Variants in SUN2 observed in about 807,000 individuals in gnomAD.
SUN2 encodes the protein SUN domain-containing protein 2.
In SUN2, 60 loss-of-function variants were observed where a neutral mutation model predicts 100.0. The observed-to-expected ratio is 0.60, with a 90% CI of 0.49 to 0.74. The LOEUF is 0.74. Among genes scored for constraint, SUN2 ranks in the 30% least tolerant of loss-of-function variants. The pLI is 0.00. For missense variants in SUN2, 834 were observed against 954.6 expected, an observed-to-expected ratio of 0.87 and a Z score of 1.66; for synonymous variants, 367 against 403.3, an observed-to-expected ratio of 0.91 and a Z score of 1.08.
In SUN2 at chr22:38,735,396, A is replaced by T. The variant is rs1287289565; in HGVS notation, c.*871T>A. On this transcript the variant is annotated 3_prime_UTR_variant, in exon 18 of 18. Transcript: ENST00000689035. ...AGAGCCCAGGAGTTCCATGCTCCCC[A>T]CTCTTCTTGCTATAACCCCAGATGC... is the stretch of plus-strand genomic sequence containing the variant. 2.8e-6 allele frequency: 1 copy of T among 357,320 alleles called. No individual in the cohort carries two copies. Among genetic ancestry groups the T allele is most frequent in the Non-Finnish European group, 5.5e-6 (1 of 181,510 alleles). 22.1% of individuals were successfully genotyped at this position (357,320 alleles called of 1,614,324 possible). A position where few individuals can be genotyped will look rare whatever the true frequency, so the allele number is the denominator to read the frequency against.
intron 8 of SUN2, chr22:38,745,280 C>T (rs779732531): frequency 2.0e-5 from 9 of 452,834 alleles, no homozygotes; most frequent in Non-Finnish European, 3.2e-5. Flanking sequence ...ACAGACAGAT[C>T]CACACAGGCA....
chr22:38,742,586 A>G (rs775200555), intron 8 of SUN2, 31 bp from the exon 9 acceptor site: 1 of 1,589,466 alleles, frequency 6.3e-7, no homozygotes, highest in East Asian at 2.3e-5. Flanking sequence ...CCACGGAGTG[A>G]GGGACCCTTG....
At position 38,740,366 on chromosome 22, in the gene SUN2, G is replaced by A. The variant is rs377483966; in HGVS notation, c.1257C>T (p.Ala419=). ...GAGCCGCCAGCTCCTGCTGCAGGCC[G>A]GCCAGCTGGTCCTCCAGCCGCCTCA... ...KELRRLEDQL[A]GLQQELAALA... is the part of the protein sequence containing the mutation. The change falls in exon 12 of 18, where the codon GCC becomes GCT. Residue 419 remains alanine, a synonymous_variant. Transcript: ENST00000689035. The surrounding 1 kb of genome is among the most constrained non-coding windows in gnomAD (Gnocchi z 4.8). 2.6e-5 allele frequency: 41 copies of A among 1,578,046 alleles called. No homozygotes were observed. In the African/African-American group the frequency reaches 3.9e-4, roughly 15 times the overall value.
At chr22:38,751,484 T>C (rs2061510807) in intron 2 of SUN2, 111 bp from the exon 3 acceptor site, 3 of 1,229,420 alleles carry the variant, frequency 2.4e-6, no homozygotes, top group Non-Finnish European at 3.4e-6. Flanking sequence ...GTGGGTTCCC[T>C]TGTTGCTAGG....
intron 8 of SUN2, among the ~76,000 whole-genome samples, chr22:38,744,457 T>C (rs1311193396): frequency 6.6e-6 from 1 of 152,060 alleles, no homozygotes; most frequent in Non-Finnish European, 1.5e-5. Context: ...GGTGTACACC[T>C]GTAGTCCCAG....
intron 8 of SUN2, chr22:38,742,774 G>C: frequency 1.7e-6 from 1 of 585,280 alleles, no homozygotes; most frequent in Non-Finnish European, 3.0e-6. Context: ...CGGCCACAGA[G>C]GAAGGTCCCT....
intron 9 of SUN2, 53 bp downstream of exon 9, chr22:38,742,248 C>A: frequency 6.5e-7 from 1 of 1,530,816 alleles, no homozygotes; most frequent in Non-Finnish European, 8.8e-7. Flanking sequence ...GGCACCTTCA[C>A]GCTTTCCTAT....
intron 7 of SUN2, among the ~76,000 whole-genome samples, chr22:38,747,620 A>C (rs1161208843): frequency 1.3e-5 from 2 of 152,218 alleles, no homozygotes; most frequent in Admixed American, 1.3e-4. Flanking sequence ...CAAGCTGTCA[A>C]GTAAAAAGCT....
chr22:38,746,758 G>A lies in SUN2; in HGVS notation c.686-947C>T, dbSNP rs139506871. ...TAAAGAATCACTGACTGGGCCGGGC[G>A]CGGTGGCTCACGCCTGTAATCCCAG... is the stretch of plus-strand genomic sequence containing the variant. On this transcript the variant is annotated intron_variant, in intron 7 of 17. Coordinates refer to ENST00000689035, the MANE Select transcript of SUN2 (RefSeq NM_015374.3). Among the ~76,000 whole-genome samples, 22 of 152,358 alleles carry A rather than the reference G, an allele frequency of 1.4e-4. No individual in the cohort carries two copies. The South Asian group carries it at 4.1e-3, about 29-fold the overall frequency.
Position 38,740,429 on chromosome 22 carries a change from CA to C in SUN2, c.1193del (p.Met398ArgfsTer11). 1 of 1,508,780 alleles carries C rather than the reference CA, an allele frequency of 6.6e-7. No individual in the cohort carries two copies. The allele number at this position is 1,508,780 out of a possible 1,614,324, so 93.5% of individuals were successfully genotyped here. ...AGCTCTCCTGGAAGGACTCCTGGGTCATGCTGGTCCCAGAGAGAGAAGAGTA... is the reference window on the plus strand; with the variant it reads ...AGCTCTCCTGGAAGGACTCCTGGGTCTGCTGGTCCCAGAGAGAGAAGAGTA... ...IQQLKSEWQS[M>X]TQESFQESSV... On this transcript the variant is annotated frameshift_variant and splice_region_variant, in exon 12 of 18. Coordinates refer to ENST00000689035, the MANE Select transcript of SUN2 (RefSeq NM_015374.3). LOFTEE classifies it high-confidence loss of function. The surrounding 1 kb of genome is among the most constrained non-coding windows in gnomAD (Gnocchi z 4.8).
At chr22:38,750,473 C>A (rs2146074557) in intron 4 of SUN2, 153 bp from the exon 5 acceptor site, 3 of 1,441,344 alleles carry the variant, frequency 2.1e-6, no homozygotes, top group Non-Finnish European at 1.9e-6. Context: ...GAAATGGGAG[C>A]TCTTTGACAT....
At chr22:38,749,548 T>G (rs2092927407) in intron 6 of SUN2, among the ~76,000 whole-genome samples, 1 of 152,280 alleles carries the variant, frequency 6.6e-6, no homozygotes, top group Non-Finnish European at 1.5e-5. Flanking sequence ...GAATCCTGCC[T>G]CGAAGGGCTA....
Position 38,737,992 on chromosome 22 carries a change from T to C in SUN2, c.2040+181A>G, listed in dbSNP as rs1220917163. 1 of 717,342 alleles carries C rather than the reference T, an allele frequency of 1.4e-6. No homozygotes were observed. Among genetic ancestry groups the C allele is most frequent in the African/African-American group, 1.7e-5 (1 of 57,350 alleles). 44.4% of individuals were successfully genotyped at this position (717,342 alleles called of 1,614,324 possible). Reference sequence around the variant, plus strand: ...TGCCCTTCTGGAAGGTGCCTTCCCCTGTGCTGACGTCTGCAGGATGCGTGT... The same window carrying C: ...TGCCCTTCTGGAAGGTGCCTTCCCCCGTGCTGACGTCTGCAGGATGCGTGT... On this transcript the variant is annotated intron_variant, in intron 17 of 17. Coordinates refer to ENST00000689035, the MANE Select transcript of SUN2 (RefSeq NM_015374.3). The surrounding 1 kb of genome is among the most constrained non-coding windows in gnomAD (Gnocchi z 4.1).
At position 38,739,299 on chromosome 22, in the gene SUN2, C is replaced by T. The variant is rs373250659; in HGVS notation, c.1663+43G>A. On this transcript the variant is annotated intron_variant, in intron 14 of 17. Coordinates refer to ENST00000689035, the MANE Select transcript of SUN2 (RefSeq NM_015374.3). The surrounding 1 kb of genome is among the most constrained non-coding windows in gnomAD (Gnocchi z 6.7). ...GTAGATGCCAGGGGACCGGCCATTGCGGGGTCCAGGACAAGGCAGAGCGAG... is the reference window on the plus strand; with the variant it reads ...GTAGATGCCAGGGGACCGGCCATTGTGGGGTCCAGGACAAGGCAGAGCGAG... 389 of 1,595,212 alleles carry T rather than the reference C, an allele frequency of 2.4e-4. 1 individual carries two copies. The highest frequency in any genetic ancestry group is 2.1e-3 in the African/African-American group (155 of 74,664).
chr22:38,738,464 C>T lies in SUN2; in HGVS notation c.1947+123G>A. On this transcript the variant is annotated intron_variant, in intron 16 of 17. Coordinates refer to ENST00000689035, the MANE Select transcript of SUN2 (RefSeq NM_015374.3). The surrounding 1 kb of genome is among the most constrained non-coding windows in gnomAD (Gnocchi z 6.6). ...GAAGTGCTGTCTCCCACCCTAGCTC[C>T]TCCTCTTCCAAATCCACTCCCCTCC... is the stretch of plus-strand genomic sequence containing the variant. The T allele has an allele frequency of 7.3e-7, 1 of 1,365,172 alleles. No individual in the cohort carries two copies. Among genetic ancestry groups the T allele is most frequent in the Non-Finnish European group, 1.0e-6 (1 of 988,990 alleles). 84.6% of individuals were successfully genotyped at this position (1,365,172 alleles called of 1,614,324 possible).
In SUN2 at chr22:38,740,982, GA is replaced by G. The variant is rs908155672; in HGVS notation, c.1190+24del. On this transcript the variant is annotated intron_variant, in intron 11 of 17. Coordinates refer to ENST00000689035, the MANE Select transcript of SUN2 (RefSeq NM_015374.3). This position sits in a 1 kb window ranked among gnomAD's most constrained non-coding sequence, Gnocchi z 4.8. Reference sequence around the variant, plus strand: ...GGGTGGGGCTGGGGAGGAGCAGGCCGAGGCCAGCTGGTGGCGCCCAGTACCT... The same window carrying G: ...GGGTGGGGCTGGGGAGGAGCAGGCCGGGCCAGCTGGTGGCGCCCAGTACCT... The G allele has an allele frequency of 1.3e-6, 2 of 1,580,660 alleles. No homozygotes were observed. The highest frequency in any genetic ancestry group is 1.8e-5 in the Admixed American group (1 of 55,628).
chr22:38,748,007 G>A (rs1227623072), intron 7 of SUN2, among the ~76,000 whole-genome samples: 1 of 151,838 alleles, frequency 6.6e-6, no homozygotes, highest in East Asian at 2.0e-4. Context: ...CAGCTGGTAA[G>A]TGACTGGTGT....
chr22:38,754,795 G>A (rs1018161797), intron 1 of SUN2: 5 of 1,284,716 alleles, frequency 3.9e-6, no homozygotes, highest in East Asian at 5.6e-5. Flanking sequence ...GAGGTTGAGC[G>A]GGGAGTGCTG....
At chr22:38,752,248 G>A (rs1229475828) in intron 2 of SUN2, among the ~76,000 whole-genome samples, 3 of 152,314 alleles carry the variant, frequency 2.0e-5, no homozygotes, top group Admixed American at 2.0e-4. Flanking sequence ...GAGCCACCGC[G>A]CCCGACCTAC....
Sources: allele counts gnomAD v4.1 joint callset (sites outside exome capture counted in the v4.1 genomes callset), GRCh38; gene constraint gnomAD v4.1.1; non-coding constraint Gnocchi (gnomAD v3.1); transcripts MANE v1.5; gene names NCBI Gene and HGNC (gene_info 2026-07-23, HGNC 2026-07-21).